C22orf42: variants seen among roughly 807,000 people sequenced by gnomAD.
C22orf42 encodes uncharacterized protein C22orf42.
Under a neutral mutation model 31.4 loss-of-function variants are expected in C22orf42, and 24 were observed. That is an observed-to-expected ratio of 0.77 (90% CI 0.55 to 1.08). C22orf42 has a LOEUF of 1.08. C22orf42 is among the 50% of genes least tolerant of loss of function. The probability of loss-of-function intolerance (pLI) is 0.00; values close to 1 mark genes in which losing one functional copy is unlikely to be tolerated. For synonymous variants in C22orf42, 96 were observed against 112.7 expected, an observed-to-expected ratio of 0.85 and a Z score of 0.94; for missense variants, 276 against 327.3, an observed-to-expected ratio of 0.84 and a Z score of 1.21.
intron 4 of C22orf42, among the ~76,000 whole-genome samples, 198 bp downstream of exon 4, chr22:32,151,869 G>A (rs1442545403): frequency 3.0e-5 from 4 of 132,214 alleles, no homozygotes; most frequent in Non-Finnish European, 6.6e-5. Context: ...CCAGGGGTGT[G>A]GGAGTTGGGA....
At chr22:32,149,724 T>TAGATATATATAG in intron 8 of C22orf42, 29 bp downstream of exon 8, 2 of 1,158,626 alleles carry the variant, frequency 1.7e-6, no homozygotes, top group Non-Finnish European at 1.1e-6. Flanking sequence ...CATATATATC[T>TAGATATATATAG]ATATATATCT....
At chr22:32,155,773 CTGTAGTCCTG>C (rs1445083290) in intron 1 of C22orf42, among the ~76,000 whole-genome samples, 2 of 152,274 alleles carry the variant, frequency 1.3e-5, no homozygotes, top group East Asian at 3.9e-4. Context: ...TGGCACATGG[CTGTAGTCCTG>C]ACATTTTTGG....
upstream of C22orf42, chr22:32,159,479 G>C (rs1442973854): frequency 1.2e-5 from 16 of 1,347,172 alleles, no homozygotes; most frequent in Non-Finnish European, 1.4e-5. Context: ...CTGTCCCTCT[G>C]TGGTGACTGC....
chr22:32,157,320 G>C (rs1352061432), intron 1 of C22orf42, among the ~76,000 whole-genome samples: 1 of 151,992 alleles, frequency 6.6e-6, no homozygotes, highest in Non-Finnish European at 1.5e-5. Flanking sequence ...CTTCTTCTTG[G>C]AGGATTAACA....
rs2058563506 is a variant in C22orf42, at chr22:32,159,138, G to A, written c.78C>T (p.Pro26=). Residue 26 remains proline, a synonymous_variant, in exon 1 of 9, where the codon CCC becomes CCT. Transcript: ENST00000382097. ...TCTCAGGAATCTCACACTCATGGCAGGGTCCCACATCTGGCCTGCAGCAGT... is the reference window on the plus strand; with the variant it reads ...TCTCAGGAATCTCACACTCATGGCAAGGTCCCACATCTGGCCTGCAGCAGT... The part of the protein sequence containing the change: ...NCDCCRPDVG[P]CHECEIPETV... 1 of 1,614,174 alleles carries A rather than the reference G, an allele frequency of 6.2e-7. No homozygotes were observed. Among genetic ancestry groups the A allele is most frequent in the Non-Finnish European group, 8.5e-7 (1 of 1,180,032 alleles).
Position 32,152,605 on chromosome 22 carries a change from G to T in C22orf42, c.329C>A (p.Ala110Glu). 1 of 1,613,600 alleles carries T rather than the reference G, an allele frequency of 6.2e-7. No homozygotes were observed. The highest frequency in any genetic ancestry group is 8.5e-7 in the Non-Finnish European group (1 of 1,179,574). The change falls in exon 3 of 9, where the codon GCG (alanine) becomes GAG (glutamate). Residue 110 changes from alanine to glutamate, a missense_variant. Transcript: ENST00000382097. ...CTCCTCCACACCGCCGTGTGCAGAC[G>T]CCTGCACATCTTCAGTGGGACCTAG... The part of the protein sequence containing the change: ...ENIGPTEDVQ[A>E]SAHGGVEENM...
At chr22:32,151,088 C>T in intron 5 of C22orf42, 69 bp from the exon 6 acceptor site, 1 of 1,507,920 alleles carries the variant, frequency 6.6e-7, no homozygotes, top group East Asian at 2.2e-5. Flanking sequence ...TGGCAAAGGC[C>T]TTTTATTCAC....
intron 1 of C22orf42, among the ~76,000 whole-genome samples, chr22:32,156,861 T>G (rs1298541891): frequency 6.6e-6 from 1 of 152,220 alleles, no homozygotes; most frequent in South Asian, 2.1e-4. Context: ...CGAGATAAAA[T>G]GCCTCAAAGT....
chr22:32,152,898 G>A (rs1165583210), intron 2 of C22orf42, among the ~76,000 whole-genome samples: 8 of 152,104 alleles, frequency 5.3e-5, no homozygotes, highest in Non-Finnish European at 8.8e-5. Context: ...ATGGTTCAGC[G>A]ACAGCATCTC....
At chr22:32,153,500 G>T (rs1468391245) in intron 2 of C22orf42, among the ~76,000 whole-genome samples, 1 of 152,146 alleles carries the variant, frequency 6.6e-6, no homozygotes, top group African/African-American at 2.4e-5. Flanking sequence ...TATTTTAGAA[G>T]ACCAAAACTC....
chr22:32,160,147 A>T (rs146066840), upstream of C22orf42: 403 of 152,280 alleles, frequency 2.6e-3, 2 homozygotes, highest in African/African-American at 9.6e-3. Flanking sequence ...ATCAATCTAG[A>T]TGGAGAAGTT....
intron 1 of C22orf42, among the ~76,000 whole-genome samples, chr22:32,154,988 T>C (rs1188661597): frequency 6.6e-6 from 1 of 152,210 alleles, no homozygotes; most frequent in African/African-American, 2.4e-5. Flanking sequence ...ACATTAGCCC[T>C]GAGGGACAGG....
In C22orf42 at chr22:32,151,502, A is replaced by G. The variant is rs1214510402; in HGVS notation, c.450T>C (p.Asn150=). ...QVSAHGGVEE[N]ITSDIEISEA... Reference sequence around the variant, plus strand: ...TACATCTTACAATATCTGACGTTATATTCTCCTCCACACCGCCGTGTGCAG... The same window carrying G: ...TACATCTTACAATATCTGACGTTATGTTCTCCTCCACACCGCCGTGTGCAG... The change falls in exon 5 of 9, where the codon AAT becomes AAC. Residue 150 remains asparagine (N), a synonymous_variant. Coordinates refer to ENST00000382097, the MANE Select transcript of C22orf42 (RefSeq NM_001010859.3). 7 of 1,613,820 alleles carry G rather than the reference A, an allele frequency of 4.3e-6. No homozygotes were observed. Among genetic ancestry groups the G allele is most frequent in the South Asian group, 2.2e-5 (2 of 91,076 alleles).
At chr22:32,153,746 A>T (rs75955998) in intron 2 of C22orf42, among the ~76,000 whole-genome samples, 2,167 of 152,316 alleles carry the variant, frequency 0.014, 22 homozygotes, top group South Asian at 0.068. Flanking sequence ...AAGGTTTATA[A>T]TAGCTGTATT....
At chr22:32,149,653 ATATAT>A in intron 8 of C22orf42, 40 bp from the exon 9 acceptor site, 2 of 1,229,630 alleles carry the variant, frequency 1.6e-6, no homozygotes, top group Non-Finnish European at 2.1e-6. Flanking sequence ...AAAAAAAAAT[ATATAT>A]ATATATATAT....
intron 8 of C22orf42, 37 bp downstream of exon 8, chr22:32,149,716 T>C: frequency 8.5e-7 from 1 of 1,177,314 alleles, no homozygotes; most frequent in Non-Finnish European, 1.1e-6. Flanking sequence ...TATATCTACA[T>C]ATATATCTAT....
At chr22:32,152,125 A>C in intron 3 of C22orf42, 31 bp from the exon 4 acceptor site, 1 of 1,603,456 alleles carries the variant, frequency 6.2e-7, no homozygotes, top group Non-Finnish European at 8.5e-7. Flanking sequence ...AAGAAACACC[A>C]TGAGGATCAG....
rs1476273638 is a variant in C22orf42, at chr22:32,149,629, A to G, written c.683-16T>C. The G allele has an allele frequency of 4.8e-6, 7 of 1,444,696 alleles. No homozygotes were observed. The highest frequency in any genetic ancestry group is 1.5e-5 in the African/African-American group (1 of 65,340). 89.5% of individuals were successfully genotyped at this position (1,444,696 alleles called of 1,614,324 possible). A position where few individuals can be genotyped will look rare whatever the true frequency, so the allele number is the denominator to read the frequency against. ...TTAACCCAGCCTAGGGGAAAAGAACAAGACTTCATCTCAAAAAAAAAATAT... is the reference window on the plus strand; with the variant it reads ...TTAACCCAGCCTAGGGGAAAAGAACGAGACTTCATCTCAAAAAAAAAATAT... On this transcript the variant is annotated splice_polypyrimidine_tract_variant and intron_variant, in intron 8 of 8. Transcript: ENST00000382097.
intron 5 of C22orf42, 47 bp downstream of exon 5, chr22:32,151,440 G>GA (rs773749994): frequency 1.0e-5 from 16 of 1,582,936 alleles, no homozygotes; most frequent in East Asian, 4.5e-5. Flanking sequence ...AGAAGCCTCA[G>GA]AAAAAACAAA....
Sources: gnomAD v4.1 joint callset for allele counts (sites outside exome capture counted in the v4.1 genomes callset) on GRCh38, gnomAD v4.1.1 for gene constraint, MANE v1.5 for transcripts, NCBI Gene and HGNC (gene_info 2026-07-23, HGNC 2026-07-21) for gene names.